The following CNKSR2 variants were observed in gnomAD, a reference collection of about 807,000 sequenced individuals.
CNKSR2 encodes the protein connector enhancer of kinase suppressor of Ras 2.
CNKSR2 carries 14 observed loss-of-function variants against 84.4 expected under a neutral mutation model. The observed-to-expected ratio is 0.17, with a 90% CI of 0.11 to 0.26. The LOEUF (loss-of-function observed/expected upper bound fraction) is 0.26, where lower values mean the gene tolerates loss of function less well. Among genes scored for constraint, CNKSR2 ranks in the 10% least tolerant of loss-of-function variants. CNKSR2 has a pLI of 1.00. For missense variants in CNKSR2, 485 were observed against 771.2 expected, an observed-to-expected ratio of 0.63 and a Z score of 4.40; for synonymous variants, 275 against 277.9, an observed-to-expected ratio of 0.99 and a Z score of 0.10.
intron 20 of CNKSR2, among the ~76,000 whole-genome samples, chrX:21,616,215 T>C (rs1438644572): frequency 9.0e-6 from 1 of 111,033 alleles, no homozygotes; most frequent in East Asian, 2.8e-4. Flanking sequence ...AGGAGTATAA[T>C]ATTAAATATT....
chrX:21,377,923 A>G (rs1443817382), intron 1 of CNKSR2, among the ~76,000 whole-genome samples: 1 of 111,573 alleles, frequency 9.0e-6, no homozygotes, highest in Admixed American at 9.5e-5. Context: ...ATTCATTTTG[A>G]TTGATCAATT....
intron 4 of CNKSR2, among the ~76,000 whole-genome samples, chrX:21,454,921 A>G (rs1181623034): frequency 5.4e-5 from 6 of 111,943 alleles, no homozygotes; most frequent in Non-Finnish European, 9.4e-5. Context: ...GTTATGTGGC[A>G]GTAAGGCAGG....
At chrX:21,651,041 A>T (rs1265939629) in intron 21 of CNKSR2, among the ~76,000 whole-genome samples, 3 of 111,222 alleles carry the variant, frequency 2.7e-5, no homozygotes, top group Non-Finnish European at 3.8e-5. Flanking sequence ...GATCTTAAAG[A>T]CCTGTTTCTC....
chrX:21,429,480 T>G (rs1850469494), intron 2 of CNKSR2: 1 of 111,916 alleles, frequency 8.9e-6, no homozygotes, highest in African/African-American at 3.2e-5. Flanking sequence ...TTGTCAGTTC[T>G]TTAAATGGTA....
chrX:21,556,557 G>A (rs900263846), intron 11 of CNKSR2, among the ~76,000 whole-genome samples: 31 of 110,600 alleles, frequency 2.8e-4, no homozygotes, highest in African/African-American at 9.5e-4. Context: ...TTAGGGTGCC[G>A]GGTAAGGAAA....
intron 9 of CNKSR2, among the ~76,000 whole-genome samples, chrX:21,520,308 G>A (rs992592647): frequency 3.6e-5 from 4 of 110,800 alleles, no homozygotes; most frequent in Admixed American, 2.9e-4. Flanking sequence ...TCACCCATTT[G>A]TAAAAACAGA....
At chrX:21,594,744 AG>A (rs2092441807) in intron 15 of CNKSR2, 1 of 258,723 alleles carries the variant, frequency 3.9e-6, no homozygotes, top group Admixed American at 6.1e-5. Flanking sequence ...AATATGAAAA[AG>A]ACTTTTTAAA....
chrX:21,552,616 C>T (rs758513465), intron 11 of CNKSR2, among the ~76,000 whole-genome samples: 1 of 111,880 alleles, frequency 8.9e-6, no homozygotes, highest in Non-Finnish European at 1.9e-5. Flanking sequence ...GCCTGCCCAG[C>T]GGTTGGATTA....
intron 21 of CNKSR2, among the ~76,000 whole-genome samples, chrX:21,651,765 T>C (rs2092721336): frequency 9.0e-6 from 1 of 111,677 alleles, no homozygotes; most frequent in Non-Finnish European, 1.9e-5. Flanking sequence ...CATTCTCCAT[T>C]ACAGGCCCCC....
intron 11 of CNKSR2, among the ~76,000 whole-genome samples, chrX:21,561,182 TAA>T (rs61507460): frequency 0.14 from 13,209 of 92,377 alleles, 2,036 homozygotes; most frequent in African/African-American, 0.45. Flanking sequence ...TTATCTTCTT[TAA>T]AAAAAAAAAA....
At chrX:21,628,441 C>G (rs889838650) in intron 20 of CNKSR2, among the ~76,000 whole-genome samples, 1 of 111,803 alleles carries the variant, frequency 8.9e-6, no homozygotes, top group African/African-American at 3.3e-5. Context: ...CATTTCCCTT[C>G]TGCACCGCCC....
In CNKSR2 at chrX:21,562,988, T is replaced by G. The variant is rs763640515; in HGVS notation, c.1394-250T>G. ...GAAATAATCTATCGACTGTCTATTTTTTATTGTCTTATCATACCAAATAAT... is the reference window on the plus strand; with the variant it reads ...GAAATAATCTATCGACTGTCTATTTGTTATTGTCTTATCATACCAAATAAT... On this transcript the variant is annotated intron_variant, in intron 12 of 21. Coordinates refer to ENST00000379510, the MANE Select transcript of CNKSR2 (RefSeq NM_014927.5). Among the ~76,000 whole-genome samples the G allele has an allele frequency of 4.5e-5, 5 of 111,865 alleles. No individual in the cohort carries two copies. In the South Asian group the frequency reaches 1.8e-3, roughly 41 times the overall value.
At chrX:21,438,705 T>A (rs2090742897) in intron 3 of CNKSR2, among the ~76,000 whole-genome samples, 1 of 110,323 alleles carries the variant, frequency 9.1e-6, no homozygotes, top group Non-Finnish European at 1.9e-5. Flanking sequence ...AAGAAAAACG[T>A]AATAAAGTAT....
Position 21,497,647 on chromosome X carries a change from C to T in CNKSR2, c.682-140C>T, listed in dbSNP as rs1601865623. The T allele has an allele frequency of 4.2e-5, 19 of 453,537 alleles. No individual in the cohort carries two copies. The East Asian group carries it at 6.3e-4, about 15-fold the overall frequency. 37.4% of individuals were successfully genotyped at this position (453,537 alleles called of 1,213,427 possible). On this transcript the variant is annotated intron_variant, in intron 6 of 21. Coordinates refer to ENST00000379510, the MANE Select transcript of CNKSR2 (RefSeq NM_014927.5). ...TAATTTCTCACCAGTTTAAAGATAGCGTCTGTCTTCATGGATTTATTTCTG... is the reference window on the plus strand; with the variant it reads ...TAATTTCTCACCAGTTTAAAGATAGTGTCTGTCTTCATGGATTTATTTCTG...
intron 6 of CNKSR2, chrX:21,494,087 A>G (rs374131691): frequency 1.8e-5 from 2 of 111,518 alleles, no homozygotes; most frequent in Admixed American, 9.5e-5. Context: ...TAACTACTAG[A>G]TACTGTCTTT....
intron 11 of CNKSR2, among the ~76,000 whole-genome samples, chrX:21,558,792 T>C (rs190420076): frequency 2.7e-5 from 3 of 111,423 alleles, no homozygotes; most frequent in African/African-American, 9.7e-5. Context: ...AAACAACCAA[T>C]TTTCAAAAAA....
chrX:21,466,032 G>A (rs1237102742), intron 4 of CNKSR2, among the ~76,000 whole-genome samples: 3 of 111,562 alleles, frequency 2.7e-5, no homozygotes, highest in African/African-American at 9.8e-5. Context: ...TTTCTCATTA[G>A]GAATTTGGCT....
At chrX:21,433,558 A>T (rs1336305557) in intron 3 of CNKSR2, among the ~76,000 whole-genome samples, 1 of 109,753 alleles carries the variant, frequency 9.1e-6, no homozygotes, top group Non-Finnish European at 1.9e-5. Context: ...ATCAAATTTT[A>T]AAAATGCTCT....
intron 1 of CNKSR2, among the ~76,000 whole-genome samples, chrX:21,399,165 A>G (rs1039326326): frequency 2.7e-5 from 3 of 111,450 alleles, no homozygotes; most frequent in Admixed American, 9.6e-5. Flanking sequence ...AAATACCAGT[A>G]GAATTTGGAA....
Sources: allele counts gnomAD v4.1 joint callset (sites outside exome capture counted in the v4.1 genomes callset), GRCh38; gene constraint gnomAD v4.1.1; transcripts MANE v1.5; gene names NCBI Gene and HGNC (gene_info 2026-07-23, HGNC 2026-07-21).